The following THSD1 variants were observed in gnomAD, a reference collection of about 807,000 sequenced individuals.
The protein encoded by THSD1 is thrombospondin type 1 domain containing 1, also known as thrombospondin type-1 domain-containing protein 1.
In THSD1, 34 loss-of-function variants were observed where a neutral mutation model predicts 46.3. That is an observed-to-expected ratio of 0.74 (90% CI 0.56 to 0.98). The LOEUF (loss-of-function observed/expected upper bound fraction) is 0.98, where lower values mean the gene tolerates loss of function less well. THSD1 is among the 50% of genes least tolerant of loss of function. THSD1 has a pLI of 0.00. For missense variants in THSD1, 1,023 were observed against 1,058.3 expected, an observed-to-expected ratio of 0.97 and a Z score of 0.46; for synonymous variants, 407 against 416.5, an observed-to-expected ratio of 0.98 and a Z score of 0.28.
Position 52,397,907 on chromosome 13 carries a change from AG to A in THSD1, c.345del (p.Trp116GlyfsTer8), listed in dbSNP as rs1957824391. 2 of 1,614,116 alleles carry A rather than the reference AG, an allele frequency of 1.2e-6. No individual in the cohort carries two copies. Among genetic ancestry groups the A allele is most frequent in the South Asian group, 2.2e-5 (2 of 91,086 alleles). ...PEATDNSTPF[P>X]WWEKSAFLKV... ...TTCAGAAAGGCACTTTTCTCCCACCAGGGGAATGGAGTGCTGTTGTCTGTTG... is the reference window on the plus strand; with the variant it reads ...TTCAGAAAGGCACTTTTCTCCCACCAGGGAATGGAGTGCTGTTGTCTGTTG... On this transcript the variant is annotated frameshift_variant, in exon 3 of 5. Coordinates refer to ENST00000258613, the MANE Select transcript of THSD1 (RefSeq NM_018676.4). LOFTEE classifies it high-confidence loss of function.
chr13:52,378,239 C>A lies in THSD1; in HGVS notation c.1731G>T (p.Pro577=). 1 of 1,614,196 alleles carries A rather than the reference C, an allele frequency of 6.2e-7. No homozygotes were observed. Among genetic ancestry groups the A allele is most frequent in the Non-Finnish European group, 8.5e-7 (1 of 1,180,032 alleles). Reference sequence around the variant, plus strand: ...GGAACTTGTTTGCTGCAGCTTCTTCCGGGCTTTCCAAATCTAAGGGAGCGC... The same window carrying A: ...GGAACTTGTTTGCTGCAGCTTCTTCAGGGCTTTCCAAATCTAAGGGAGCGC... ...APSAPLDLES[P]EEAAANKFRI... is the part of the protein sequence containing the mutation. The change falls in exon 5 of 5, where the codon CCG becomes CCT. Residue 577 remains proline (P), a synonymous_variant. Transcript: ENST00000258613.
At chr13:52,391,592 G>A (rs943111517) in intron 3 of THSD1, among the ~76,000 whole-genome samples, 4 of 151,642 alleles carry the variant, frequency 2.6e-5, no homozygotes, top group Non-Finnish European at 4.4e-5. Flanking sequence ...AGCCCAGGCT[G>A]GAGTGCAGTG....
At chr13:52,379,965 A>G (rs1019854955) in intron 4 of THSD1, among the ~76,000 whole-genome samples, 4 of 152,222 alleles carry the variant, frequency 2.6e-5, no homozygotes, top group Admixed American at 2.6e-4. Context: ...ACTTGGCAAT[A>G]CATAATACAA....
rs1957664882 is a variant in THSD1 at position 52,378,740 on chromosome 13, C to T, written c.1230G>A (p.Lys410=). The T allele has an allele frequency of 6.2e-7, 1 of 1,612,346 alleles. No individual in the cohort carries two copies. The highest frequency in any genetic ancestry group is 1.3e-5 in the African/African-American group (1 of 74,834). The part of the protein sequence containing the change: ...PSPLQPQGPV[K]SNNIVTVTGI... ...CAGTGACAGTCACGATGTTGTTGGA[C>T]TTCACTGGACCCTGGGGCTGAAGAG... The change falls in exon 5 of 5, where the codon AAG becomes AAA. Residue 410 remains lysine, a synonymous_variant. Coordinates refer to ENST00000258613, the MANE Select transcript of THSD1 (RefSeq NM_018676.4).
At position 52,377,611 on chromosome 13, in the gene THSD1, C is replaced by T; in HGVS notation, c.2359G>A (p.Val787Ile). The change falls in exon 5 of 5, where the codon GTC (valine) becomes ATC (isoleucine). Residue 787 changes from valine (V) to isoleucine (I), a missense_variant. By Grantham distance (29) the Val-to-Ile change is conservative (BLOSUM62 3). Transcript: ENST00000258613. ...CACTGAGAAGGGCTCAGAGAACTGA[C>T]CCTCTGGTAGTTATCTTTGGGGGAT... is the stretch of plus-strand genomic sequence containing the variant. Reference protein sequence around the residue: ...PISPKDNYQRVSSLSPSQCRK... With the variant: ...PISPKDNYQRISSLSPSQCRK... 1 of 1,606,518 alleles carries T rather than the reference C, an allele frequency of 6.2e-7. No homozygotes were observed. The highest frequency in any genetic ancestry group is 8.5e-7 in the Non-Finnish European group (1 of 1,174,546).
chr13:52,386,502 A>G (rs1452120002), intron 3 of THSD1, among the ~76,000 whole-genome samples: 2 of 152,224 alleles, frequency 1.3e-5, no homozygotes, highest in East Asian at 3.9e-4. Flanking sequence ...CCAGGGGCAG[A>G]CACCAGGCTG....
At chr13:52,395,253 A>G (rs1346205407) in intron 3 of THSD1, among the ~76,000 whole-genome samples, 1 of 152,226 alleles carries the variant, frequency 6.6e-6, no homozygotes, top group Non-Finnish European at 1.5e-5. Context: ...TTCTGAGTCT[A>G]GGCAAGGGGT....
Position 52,378,177 on chromosome 13 carries a change from C to T in THSD1, c.1793G>A (p.Ser598Asn). The T allele has an allele frequency of 4.3e-6, 7 of 1,614,238 alleles. No individual in the cohort carries two copies. Among genetic ancestry groups the T allele is most frequent in the Non-Finnish European group, 5.9e-6 (7 of 1,180,050 alleles). ...KSPFPEQPAV[S>N]AGERPPSRLD... ...CCTGGAGGGAGGCCTTTCCCCGGCA[C>T]TGACCGCGGGCTGCTCCGGAAATGG... is the stretch of plus-strand genomic sequence containing the variant. The change falls in exon 5 of 5, where the codon AGT becomes AAT. Residue 598 changes from serine (S) to asparagine (N), a missense_variant. Coordinates refer to ENST00000258613, the MANE Select transcript of THSD1 (RefSeq NM_018676.4).
chr13:52,386,961 G>A (rs958421724), intron 3 of THSD1, among the ~76,000 whole-genome samples: 1 of 152,132 alleles, frequency 6.6e-6, no homozygotes, highest in African/African-American at 2.4e-5. Context: ...CTGGGGAGGC[G>A]CAGGATCATC....
At chr13:52,378,853 T>C in intron 4 of THSD1, 64 bp from the exon 5 acceptor site, 1 of 1,415,712 alleles carries the variant, frequency 7.1e-7, no homozygotes, top group Non-Finnish European at 9.2e-7. Flanking sequence ...GTATTTTTAC[T>C]TTTTCTTTTC....
At chr13:52,387,156 C>T (rs1000438882) in intron 3 of THSD1, among the ~76,000 whole-genome samples, 1 of 152,192 alleles carries the variant, frequency 6.6e-6, no homozygotes, top group African/African-American at 2.4e-5. Flanking sequence ...AGGCTCACAC[C>T]TAAAGCTGAG....
chr13:52,378,094 G>T lies in THSD1; in HGVS notation c.1876C>A (p.Arg626Ser). The T allele has an allele frequency of 6.2e-7, 1 of 1,614,202 alleles. No homozygotes were observed. The change falls in exon 5 of 5, where the codon CGC becomes AGC. Residue 626 changes from arginine to serine, a missense_variant. Arg to Ser is a moderately radical substitution (Grantham distance 110). This residue lies in a region of THSD1 where 578 missense variants were observed against 497.4 expected (regional missense o/e 1.16). Coordinates refer to ENST00000258613, the MANE Select transcript of THSD1 (RefSeq NM_018676.4). ...CCCACGTGCCTTGCCTGTGACTTGC[G>T]GATCAGAGTCTGGCTGGGGCTTATG... The part of the protein sequence containing the change: ...CAISPSQTLI[R>S]KSQARHVGSR...
intron 3 of THSD1, among the ~76,000 whole-genome samples, chr13:52,396,681 A>G (rs1270057563): frequency 1.3e-5 from 2 of 152,216 alleles, no homozygotes; most frequent in Non-Finnish European, 2.9e-5. Context: ...CTGTTTCTTC[A>G]TGATTAGGTG....
In THSD1 at chr13:52,378,262, C is replaced by A; in HGVS notation, c.1708G>T (p.Ala570Ser). The stretch of plus-strand genomic sequence containing the variant: ...TCCGGGCTTTCCAAATCTAAGGGAG[C>A]GCTGGGGGCCGCATCAATGGCAGTG... ...TDTAIDAAPS[A>S]PLDLESPEEA... Residue 570 changes from alanine to serine, a missense_variant, in exon 5 of 5, where the codon GCT (alanine) becomes TCT (serine). By Grantham distance (99) the Ala-to-Ser change is moderately conservative. Around this residue, in one of 3 missense-constraint regions of THSD1, gnomAD observed 578 missense variants for 497.4 expected, o/e 1.16. Coordinates refer to ENST00000258613, the MANE Select transcript of THSD1 (RefSeq NM_018676.4). 1 of 1,614,166 alleles carries A rather than the reference C, an allele frequency of 6.2e-7. No homozygotes were observed. The highest frequency in any genetic ancestry group is 8.5e-7 in the Non-Finnish European group (1 of 1,180,034).
At chr13:52,398,496 A>C (rs1330600130) in intron 2 of THSD1, 1 of 948,332 alleles carries the variant, frequency 1.1e-6, no homozygotes, top group African/African-American at 1.8e-5. Flanking sequence ...TCCACCTCAG[A>C]CTCTCAAACT....
chr13:52,404,510 CA>C (rs1454318930), intron 1 of THSD1, among the ~76,000 whole-genome samples: 1 of 151,474 alleles, frequency 6.6e-6, no homozygotes, highest in Non-Finnish European at 1.5e-5. Context: ...CACCCCCACC[CA>C]AAAAAAAGAA....
intron 2 of THSD1, among the ~76,000 whole-genome samples, chr13:52,402,207 C>T (rs1390437216): frequency 6.6e-6 from 1 of 152,208 alleles, no homozygotes; most frequent in Non-Finnish European, 1.5e-5. Flanking sequence ...TACACAACAT[C>T]ATTGCATGTG....
intron 4 of THSD1, chr13:52,384,281 T>C: frequency 2.6e-6 from 1 of 386,736 alleles, no homozygotes; most frequent in Non-Finnish European, 5.3e-6. Context: ...TTGATACTTC[T>C]TCTAGAAAGC....
intron 2 of THSD1, among the ~76,000 whole-genome samples, chr13:52,401,221 CCT>C (rs1263618173): frequency 1.3e-5 from 2 of 152,182 alleles, no homozygotes; most frequent in Non-Finnish European, 2.9e-5. Context: ...GATCTGCCCG[CCT>C]CGGCTTCCCA....
Sources: allele counts gnomAD v4.1 joint callset (sites outside exome capture counted in the v4.1 genomes callset), GRCh38; gene constraint gnomAD v4.1.1; regional missense constraint gnomAD v4.1.1; transcripts MANE v1.5; gene names NCBI Gene and HGNC (gene_info 2026-07-23, HGNC 2026-07-21).